The following PSMD6 variants were observed in gnomAD, a reference collection of about 807,000 sequenced individuals.
PSMD6 encodes 26S proteasome non-ATPase regulatory subunit 6.
PSMD6 carries 7 observed loss-of-function variants against 44.9 expected under a neutral mutation model. The ratio of observed to expected loss-of-function variants is 0.16; its 90% CI spans 0.09 to 0.29. PSMD6 has a LOEUF of 0.29. Ranked by LOEUF, PSMD6 falls within the 10% of genes least tolerant of loss-of-function variation. The pLI is 1.00. For synonymous variants in PSMD6, 184 were observed against 172.7 expected (o/e 1.07, Z -0.51); for missense variants, 420 against 482.6 (o/e 0.87, Z 1.21).
chr3:64,017,874 A>G (rs1226520050), intron 5 of PSMD6: 1 of 152,242 alleles, frequency 6.6e-6, no homozygotes, highest in Admixed American at 6.5e-5. Context: ...AAGTTTTGGG[A>G]AAGACCCCTG....
At chr3:64,023,241 T>A in intron 1 of PSMD6, 34 bp downstream of exon 1, 1 of 1,542,430 alleles carries the variant, frequency 6.5e-7, no homozygotes, top group Non-Finnish European at 8.8e-7. Context: ...GGCCCAGGCC[T>A]AGGCCGCTGA....
intron 1 of PSMD6, 169 bp downstream of exon 1, chr3:64,023,106 A>C: frequency 7.0e-7 from 1 of 1,427,414 alleles, no homozygotes; most frequent in Non-Finnish European, 9.1e-7. Context: ...GAGGTCCCCC[A>C]GGGTATCCCC....
intron 6 of PSMD6, chr3:64,012,221 A>AAAG (rs2075968802): frequency 6.6e-6 from 1 of 152,182 alleles, no homozygotes; most frequent in Non-Finnish European, 1.5e-5. Flanking sequence ...AAAATACTAG[A>AAAG]AAGAGAATGG....
chr3:64,012,596 TTACC>T (rs1168832680), intron 6 of PSMD6: 3 of 152,110 alleles, frequency 2.0e-5, no homozygotes, highest in Non-Finnish European at 4.4e-5. Context: ...ACACAAATCA[TTACC>T]TACCTAACTC....
At chr3:64,010,841 A>C in intron 7 of PSMD6, 37 bp downstream of exon 7, 1 of 1,579,682 alleles carries the variant, frequency 6.3e-7, no homozygotes, top group Non-Finnish European at 8.7e-7. Context: ...TACTTTTAAA[A>C]TTTAGGAATG....
chr3:64,023,426 G>A lies in PSMD6; in HGVS notation c.-7C>T. 1 of 1,595,546 alleles carries A rather than the reference G, an allele frequency of 6.3e-7. No homozygotes were observed. Among genetic ancestry groups the A allele is most frequent in the South Asian group, 1.1e-5 (1 of 90,022 alleles). ...CCAGGTTCTCCAGCGGCATCGCGGC[G>A]AAGGGGACAGCGGCTGACAGGACAC... On this transcript the variant is annotated 5_prime_UTR_variant, in exon 1 of 8. Transcript: ENST00000295901.
intron 2 of PSMD6, among the ~76,000 whole-genome samples, chr3:64,020,993 G>A (rs1200378523): frequency 6.6e-6 from 1 of 151,898 alleles, no homozygotes; most frequent in Non-Finnish European, 1.5e-5. Context: ...TCCAGTAATG[G>A]TGAGTACCCC....
chr3:64,016,735 G>A (rs1345940401), intron 5 of PSMD6: 1 of 152,200 alleles, frequency 6.6e-6, no homozygotes, highest in Non-Finnish European at 1.5e-5. Flanking sequence ...TGATGGGAAT[G>A]TCAAATGGTG....
In PSMD6 at chr3:64,010,594, G is replaced by C; in HGVS notation, c.*74C>G. On this transcript the variant is annotated 3_prime_UTR_variant, in exon 8 of 8. Coordinates refer to ENST00000295901, the MANE Select transcript of PSMD6 (RefSeq NM_014814.3). ...GTATTTATTTTATACAGCTGACCTG[G>C]GCACATTGTGAAGTAAGCTATAAAA... 1.8e-6 allele frequency: 2 copies of C among 1,085,088 alleles called. No individual in the cohort carries two copies. The highest frequency in any genetic ancestry group is 3.0e-5 in the South Asian group (2 of 67,648). 67.2% of individuals were successfully genotyped at this position (1,085,088 alleles called of 1,614,324 possible).
rs373997221 is a variant in PSMD6 at position 64,010,901 on chromosome 3, C to T, written c.1050G>A (p.Val350=). 6.2e-7 allele frequency: 1 copy of T among 1,610,808 alleles called. No homozygotes were observed. Among genetic ancestry groups the T allele is most frequent in the Non-Finnish European group, 8.5e-7 (1 of 1,178,078 alleles). ...AGRLHCKIDK[V]NEIVETNRPD... is the part of the protein sequence containing the mutation. ...ACCTGTTGGTTTCTACTATTTCATTCACTTTATCTATTTTGCAGTGTAGTC... is the reference window on the plus strand; with the variant it reads ...ACCTGTTGGTTTCTACTATTTCATTTACTTTATCTATTTTGCAGTGTAGTC... The change falls in exon 7 of 8, where the codon GTG becomes GTA. Residue 350 remains valine, a synonymous_variant. Transcript: ENST00000295901.
intron 6 of PSMD6, chr3:64,011,559 A>G (rs1447816123): frequency 6.6e-6 from 1 of 152,180 alleles, no homozygotes; most frequent in Non-Finnish European, 1.5e-5. Flanking sequence ...TAGGTATCAC[A>G]GAAATTTAAA....
intron 1 of PSMD6, chr3:64,022,876 G>A: frequency 1.3e-6 from 2 of 1,512,836 alleles, no homozygotes; most frequent in Middle Eastern, 1.9e-4. Flanking sequence ...CACTACAGAA[G>A]GGCCAGAAAG....
At chr3:64,020,779 C>T (rs1037302448) in intron 2 of PSMD6, among the ~76,000 whole-genome samples, 1 of 152,130 alleles carries the variant, frequency 6.6e-6, no homozygotes, top group East Asian at 1.9e-4. Flanking sequence ...ATGAGGAAAC[C>T]GAGGGTTTCA....
chr3:64,016,445 G>C (rs1418155156), intron 5 of PSMD6: 4 of 151,552 alleles, frequency 2.6e-5, no homozygotes, highest in Non-Finnish European at 4.4e-5. Context: ...CTGCTGTCAG[G>C]GTCATGAAGA....
At chr3:64,013,191 T>C in intron 6 of PSMD6, 2 of 366,116 alleles carry the variant, frequency 5.5e-6, no homozygotes, top group African/African-American at 2.1e-5. Flanking sequence ...ACTGGTCTAA[T>C]GACCTTTAAC....
chr3:64,012,134 T>G (rs183472113), intron 6 of PSMD6: 3 of 152,176 alleles, frequency 2.0e-5, no homozygotes, highest in African/African-American at 7.2e-5. Context: ...ATAAAATGTA[T>G]AGATTGTAAC....
intron 5 of PSMD6, 134 bp from the exon 6 acceptor site, chr3:64,013,741 C>A: frequency 7.9e-6 from 6 of 762,264 alleles, no homozygotes; most frequent in Non-Finnish European, 1.2e-5. Flanking sequence ...CCTTCCACAT[C>A]ATGTCATCAA....
chr3:64,013,911 T>A (rs1237402814), intron 5 of PSMD6: 3 of 239,186 alleles, frequency 1.3e-5, no homozygotes, highest in African/African-American at 6.7e-5. Flanking sequence ...ACGGAGAACT[T>A]CTTATGCCTT....
chr3:64,023,954 C>A, upstream of PSMD6: 1 of 733,256 alleles, frequency 1.4e-6, no homozygotes, highest in South Asian at 2.2e-5. Flanking sequence ...ACAGCCATGT[C>A]GCAAGGCCTA....
Sources: allele counts gnomAD v4.1 joint callset (sites outside exome capture counted in the v4.1 genomes callset), GRCh38; gene constraint gnomAD v4.1.1; transcripts MANE v1.5; gene names NCBI Gene and HGNC (gene_info 2026-07-23, HGNC 2026-07-21).